The following SFTPA1 variants were observed in gnomAD, a reference collection of about 807,000 sequenced individuals.
SFTPA1 encodes pulmonary surfactant-associated protein A1.
In SFTPA1, 13 loss-of-function variants were observed where a neutral mutation model predicts 19.1. That is an observed-to-expected ratio of 0.68 (90% CI 0.44 to 1.08). The LOEUF (loss-of-function observed/expected upper bound fraction) is 1.08. Ranked by LOEUF, SFTPA1 falls within the 50% of genes least tolerant of loss-of-function variation. The probability of loss-of-function intolerance (pLI) is 0.00; values close to 1 mark genes in which losing one functional copy is unlikely to be tolerated. For missense variants in SFTPA1, 259 were observed against 316.4 expected (o/e 0.82, Z 1.38); for synonymous variants, 101 against 117.0 (o/e 0.86, Z 0.88).
At chr10:79,612,833 C>CG (rs1859940005) in intron 4 of SFTPA1, among the ~76,000 whole-genome samples, 1 of 152,030 alleles carries the variant, frequency 6.6e-6, no homozygotes. Context: ...AAGCTCAGAG[C>CG]GGTAAGCAAG....
chr10:79,611,871 T>G lies in SFTPA1; in HGVS notation c.46T>G (p.Ser16Ala). 6.2e-7 allele frequency: 1 copy of G among 1,613,964 alleles called. No individual in the cohort carries two copies. Among genetic ancestry groups the G allele is most frequent in the Non-Finnish European group, 8.5e-7 (1 of 1,179,852 alleles). ...LALNLILMAA[S>A]GAVCEVKDVC... is the part of the protein sequence containing the mutation. ...CCTCAACCTCATCTTGATGGCAGCC[T>G]CTGGTGCTGTGTGCGAAGTGAAGGA... Residue 16 changes from serine (S) to alanine (A), a missense_variant, in exon 3 of 6, where the codon TCT becomes GCT. Ser to Ala is a moderately conservative substitution (Grantham distance 99, BLOSUM62 1). Transcript: ENST00000398636.
rs1042069325 is a variant in SFTPA1, at chr10:79,614,902, C to G, written c.*789C>G. 1.3e-5 allele frequency: 14 copies of G among 1,038,448 alleles called. No homozygotes were observed. Among genetic ancestry groups the G allele is most frequent in the Non-Finnish European group, 1.8e-5 (14 of 765,318 alleles). The allele number at this position is 1,038,448 out of a possible 1,614,324, so 64.3% of individuals were successfully genotyped here. On this transcript the variant is annotated 3_prime_UTR_variant, in exon 6 of 6. Transcript: ENST00000398636. Reference sequence around the variant, plus strand: ...TTTCAGTGGGCATTCACACCACCCCCCACACCACTGGCTCTGCTTTCTCCT... The same window carrying G: ...TTTCAGTGGGCATTCACACCACCCCGCACACCACTGGCTCTGCTTTCTCCT...
In SFTPA1 at chr10:79,614,112, G is replaced by C; in HGVS notation, c.746G>C (p.Ter249SerextTer52). 2 of 1,614,232 alleles carry C rather than the reference G, an allele frequency of 1.2e-6. No homozygotes were observed. Among genetic ancestry groups the C allele is most frequent in the Non-Finnish European group, 1.7e-6 (2 of 1,180,032 alleles). The change falls in exon 6 of 6, where the codon TGA (stop) becomes TCA (serine). Residue 249 changes from the stop codon to serine (S), a stop_lost. Transcript: ENST00000398636. ...TCCCGACTGACCATCTGTGAGTTCT[G>C]AGAGGCATTTAGGCCATGGGACAGG... The part of the protein sequence containing the change: ...LYSRLTICEF[*>S]
chr10:79,613,752 G>T lies in SFTPA1; in HGVS notation c.386G>T (p.Gly129Val). The T allele has an allele frequency of 1.2e-6, 2 of 1,613,960 alleles. No homozygotes were observed. Among genetic ancestry groups the T allele is most frequent in the Non-Finnish European group, 8.5e-7 (1 of 1,179,864 alleles). The change falls in exon 6 of 6, where the codon GGC (glycine) becomes GTC (valine). Residue 129 changes from glycine to valine, a missense_variant. Gly to Val is a moderately radical substitution (Grantham distance 109, BLOSUM62 -3). Transcript: ENST00000398636. ...LQTRGALSLQ[G>V]SIMTVGEKVF... ...CTGCTCTCAGCCCTCAGTCTGCAGG[G>T]CTCCATAATGACAGTAGGAGAGAAG...
At position 79,613,241 on chromosome 10, in the gene SFTPA1, A is replaced by T. The variant is rs779069690; in HGVS notation, c.345A>T (p.Arg115Ser). The T allele has an allele frequency of 6.2e-7, 1 of 1,614,024 alleles. No individual in the cohort carries two copies. The highest frequency in any genetic ancestry group is 8.5e-7 in the Non-Finnish European group (1 of 1,179,984). The change falls in exon 5 of 6, where the codon AGA (arginine) becomes AGT (serine). Residue 115 changes from arginine to serine, a missense_variant. Physicochemically the swap from Arg to Ser is moderately radical, Grantham distance 110. Coordinates refer to ENST00000398636, the MANE Select transcript of SFTPA1 (RefSeq NM_005411.5). ...TCCAAGCCACACTCCACGACTTTAG[A>T]CATCAAATCCTGCAGACAAGGGGAG... ...EELQATLHDF[R>S]HQILQTRGAL...
Position 79,611,969 on chromosome 10 carries a change from T to C in SFTPA1, c.144T>C (p.Asp48=). The C allele has an allele frequency of 2.5e-6, 4 of 1,613,278 alleles. No homozygotes were observed. The highest frequency in any genetic ancestry group is 3.4e-6 in the Non-Finnish European group (4 of 1,179,498). The change falls in exon 3 of 6, where the codon GAT becomes GAC. Residue 48 remains aspartate, a synonymous_variant. Coordinates refer to ENST00000398636, the MANE Select transcript of SFTPA1 (RefSeq NM_005411.5). Reference sequence around the variant, plus strand: ...GCCTGCCAGGCAGGGACGGGAGAGATGGTCTCAAAGGAGACCCTGGCCCTC... The same window carrying C: ...GCCTGCCAGGCAGGGACGGGAGAGACGGTCTCAAAGGAGACCCTGGCCCTC... ...SHGLPGRDGR[D]GLKGDPGPPG...
At position 79,611,847 on chromosome 10, in the gene SFTPA1, C is replaced by T. The variant is rs1466712928; in HGVS notation, c.22C>T (p.Leu8Phe). 1 of 1,613,910 alleles carries T rather than the reference C, an allele frequency of 6.2e-7. No individual in the cohort carries two copies. Among genetic ancestry groups the T allele is most frequent in the Non-Finnish European group, 8.5e-7 (1 of 1,179,878 alleles). The part of the protein sequence containing the change: MWLCPLA[L>F]NLILMAASGA... ...AGCCATGTGGCTGTGCCCTCTGGCC[C>T]TCAACCTCATCTTGATGGCAGCCTC... The change falls in exon 3 of 6, where the codon CTC becomes TTC. Residue 8 changes from leucine to phenylalanine, a missense_variant. By Grantham distance (22) the Leu-to-Phe change is conservative. Coordinates refer to ENST00000398636, the MANE Select transcript of SFTPA1 (RefSeq NM_005411.5).
rs1208821210 is a variant in SFTPA1 at position 79,613,478 on chromosome 10, C to T, written c.370+212C>T. 2.6e-5 allele frequency among the ~76,000 whole-genome samples: 4 copies of T among 152,198 alleles called. No homozygotes were observed. In the East Asian group the frequency reaches 5.8e-4, roughly 22 times the overall value. ...TCCCCATTTCATAGGAAAGCAAGTTCTCCACCTGCCTTGCTTTCCACTGAA... is the reference window on the plus strand; with the variant it reads ...TCCCCATTTCATAGGAAAGCAAGTTTTCCACCTGCCTTGCTTTCCACTGAA... On this transcript the variant is annotated intron_variant, in intron 5 of 5. Coordinates refer to ENST00000398636, the MANE Select transcript of SFTPA1 (RefSeq NM_005411.5).
In SFTPA1 at chr10:79,615,240, C is replaced by G; in HGVS notation, c.*1127C>G. ...GTACTATTCAATCTTTACACAATGT[C>G]ACGGGACCAGTATTGTTTCCTCATT... On this transcript the variant is annotated 3_prime_UTR_variant, in exon 6 of 6. Coordinates refer to ENST00000398636, the MANE Select transcript of SFTPA1 (RefSeq NM_005411.5). 1 of 419,720 alleles carries G rather than the reference C, an allele frequency of 2.4e-6. No homozygotes were observed. The highest frequency in any genetic ancestry group is 4.1e-6 in the Non-Finnish European group (1 of 241,228). 26.0% of individuals were successfully genotyped at this position (419,720 alleles called of 1,614,324 possible). A position where few individuals can be genotyped will look rare whatever the true frequency, so the allele number is the denominator to read the frequency against.
rs1276333388 is a variant in SFTPA1, at chr10:79,611,557, C to T, written c.-24+168C>T. On this transcript the variant is annotated intron_variant, in intron 2 of 5. Coordinates refer to ENST00000398636, the MANE Select transcript of SFTPA1 (RefSeq NM_005411.5). ...CCAGGTCCCCGGGCTCCCCAGAGCT[C>T]CTTACTCTTCCTCCTCCTCAGCAGC... 2.1e-5 allele frequency: 32 copies of T among 1,545,736 alleles called. No individual in the cohort carries two copies. The South Asian group carries it at 3.8e-4, about 18-fold the overall frequency.
In SFTPA1 at chr10:79,614,376, T is replaced by C; in HGVS notation, c.*263T>C. On this transcript the variant is annotated 3_prime_UTR_variant, in exon 6 of 6. Coordinates refer to ENST00000398636, the MANE Select transcript of SFTPA1 (RefSeq NM_005411.5). ...CCACTCTTAGCCTTGGCCTTCGACA[T>C]GAGATGGAGCCCTCCTTATTCCCCA... 1 of 581,102 alleles carries C rather than the reference T, an allele frequency of 1.7e-6. No individual in the cohort carries two copies. Among genetic ancestry groups the C allele is most frequent in the South Asian group, 2.1e-5 (1 of 48,542 alleles). 36.0% of individuals were successfully genotyped at this position (581,102 alleles called of 1,614,324 possible).
chr10:79,612,485 G>A (rs1859917292), intron 4 of SFTPA1, 54 bp downstream of exon 4: 4 of 1,607,618 alleles, frequency 2.5e-6, no homozygotes, highest in Admixed American at 3.3e-5. Flanking sequence ...CGACCCTGAA[G>A]TCAGTTACAC....
In SFTPA1 at chr10:79,615,248, C is replaced by T. The variant is rs769074279; in HGVS notation, c.*1135C>T. On this transcript the variant is annotated 3_prime_UTR_variant, in exon 6 of 6. Transcript: ENST00000398636. Reference sequence around the variant, plus strand: ...CAATCTTTACACAATGTCACGGGACCAGTATTGTTTCCTCATTTTTTATAA... The same window carrying T: ...CAATCTTTACACAATGTCACGGGACTAGTATTGTTTCCTCATTTTTTATAA... 1.5e-5 allele frequency: 6 copies of T among 405,280 alleles called. No individual in the cohort carries two copies. Among genetic ancestry groups the T allele is most frequent in the Non-Finnish European group, 2.6e-5 (6 of 230,532 alleles). 25.1% of individuals were successfully genotyped at this position (405,280 alleles called of 1,614,324 possible).
intron 3 of SFTPA1, 21 bp from the exon 4 acceptor site, chr10:79,612,291 C>T (rs531462553): frequency 6.2e-7 from 1 of 1,613,868 alleles, no homozygotes; most frequent in South Asian, 1.1e-5. Context: ...TCCTACACAT[C>T]CATGTCTCTT....
At chr10:79,612,128 T>C in intron 3 of SFTPA1, 131 bp downstream of exon 3, 1 of 1,588,796 alleles carries the variant, frequency 6.3e-7, no homozygotes, top group South Asian at 1.2e-5. Flanking sequence ...GACTTCAGTC[T>C]GCAGGGCTGG....
Position 79,611,666 on chromosome 10 carries a change from G to A in SFTPA1, c.-23-137G>A, listed in dbSNP as rs775696462. 6.4e-6 allele frequency: 10 copies of A among 1,568,854 alleles called. No individual in the cohort carries two copies. The East Asian group carries it at 2.4e-4, about 37-fold the overall frequency. On this transcript the variant is annotated intron_variant, in intron 2 of 5. Transcript: ENST00000398636. ...GGTGATGCTGGGAATTTTCCCGGGA[G>A]CTTCGGGTCTTCCCAGCACTCTGGT...
In SFTPA1 at chr10:79,613,792, T is replaced by C. The variant is rs1183099380; in HGVS notation, c.426T>C (p.Asn142=). Residue 142 remains asparagine, a synonymous_variant, in exon 6 of 6, where the codon AAT becomes AAC. Transcript: ENST00000398636. ...MTVGEKVFSS[N]GQSITFDAIQ... ...TAGGAGAGAAGGTCTTCTCCAGCAA[T>C]GGGCAGTCCATCACTTTTGATGCCA... The C allele has an allele frequency of 9.9e-6, 16 of 1,613,932 alleles. No homozygotes were observed. Among genetic ancestry groups the C allele is most frequent in the Non-Finnish European group, 1.3e-5 (15 of 1,179,856 alleles).
chr10:79,610,977 G>A lies in SFTPA1; in HGVS notation c.-100G>A, dbSNP rs1859817057. On this transcript the variant is annotated 5_prime_UTR_variant, in exon 1 of 6. It adds an upstream start codon to the 5' untranslated region. Transcript: ENST00000398636. ...AGACCCAAGCAGCTGGAGGCTCTGTGTGTGGGTGAGTTTAGCCCCATCCCC... is the reference window on the plus strand; with the variant it reads ...AGACCCAAGCAGCTGGAGGCTCTGTATGTGGGTGAGTTTAGCCCCATCCCC... The A allele has an allele frequency of 6.6e-6, 1 of 152,602 alleles. No homozygotes were observed. The highest frequency in any genetic ancestry group is 1.5e-5 in the Non-Finnish European group (1 of 68,392). 9.5% of individuals were successfully genotyped at this position (152,602 alleles called of 1,614,324 possible). A position where few individuals can be genotyped will look rare whatever the true frequency, so the allele number is the denominator to read the frequency against.
chr10:79,613,116 A>G, intron 4 of SFTPA1, 73 bp from the exon 5 acceptor site: 1 of 1,612,696 alleles, frequency 6.2e-7, no homozygotes, highest in Non-Finnish European at 8.5e-7. Context: ...TGCAGATGGC[A>G]AAACACCTGC....
Sources: gnomAD v4.1 joint callset for allele counts (sites outside exome capture counted in the v4.1 genomes callset) on GRCh38, gnomAD v4.1.1 for gene constraint, MANE v1.5 for transcripts, NCBI Gene and HGNC (gene_info 2026-07-23, HGNC 2026-07-21) for gene names.